Variants in TTLL5 observed in about 807,000 individuals in gnomAD.
The protein encoded by TTLL5 is tubulin polyglutamylase TTLL5.
Under a neutral mutation model 168.4 loss-of-function variants are expected in TTLL5, and 132 were observed. The observed-to-expected ratio is 0.78, with a 90% CI of 0.68 to 0.91. The LOEUF (loss-of-function observed/expected upper bound fraction) is 0.91, where lower values mean the gene tolerates loss of function less well. TTLL5 is among the 40% of genes least tolerant of loss of function. The pLI, the probability that TTLL5 is intolerant of heterozygous loss-of-function variation, is 0.00. For synonymous variants in TTLL5, 546 were observed against 558.6 expected, an observed-to-expected ratio of 0.98 and a Z score of 0.32; for missense variants, 1,545 against 1,581.5, an observed-to-expected ratio of 0.98 and a Z score of 0.39.
At chr14:75,919,054 A>G (rs2033722195) in intron 31 of TTLL5, among the ~76,000 whole-genome samples, 1 of 151,848 alleles carries the variant, frequency 6.6e-6, no homozygotes, top group Non-Finnish European at 1.5e-5. Context: ...TACAAAAATT[A>G]GCTGGGCATG....
Position 75,745,109 on chromosome 14 carries a change from C to T in TTLL5, c.1296C>T (p.Leu432=). 6.2e-7 allele frequency: 1 copy of T among 1,613,848 alleles called. No individual in the cohort carries two copies. Among genetic ancestry groups the T allele is most frequent in the Non-Finnish European group, 8.5e-7 (1 of 1,179,852 alleles). The stretch of plus-strand genomic sequence containing the variant: ...CTTCTCCTTAGCGTTGCCGTCCACT[C>T]TCTGCCAGTGATGCGGAAATGAAAA... ...PFQKPQRCRP[L]SASDAEMKNL... is the part of the protein sequence containing the mutation. The change falls in exon 16 of 32, where the codon CTC becomes CTT. Residue 432 remains leucine, a synonymous_variant. Coordinates refer to ENST00000298832, the MANE Select transcript of TTLL5 (RefSeq NM_015072.5).
rs1168529540 is a variant in TTLL5, at chr14:75,881,334, T to TCAGACCC, written c.3523-1350_3523-1344dup. Among the ~76,000 whole-genome samples the TCAGACCC allele has an allele frequency of 1.1e-4, 17 of 152,308 alleles. No homozygotes were observed. In the South Asian group the frequency reaches 3.5e-3, roughly 32 times the overall value. On this transcript the variant is annotated intron_variant, in intron 29 of 31. Coordinates refer to ENST00000298832, the MANE Select transcript of TTLL5 (RefSeq NM_015072.5). The stretch of plus-strand genomic sequence containing the variant: ...GTCAGATTGGTCTGACTGAAAATGC[T>TCAGACCC]CAGACCCTTTACCTCTGAAATCTCT...
intron 27 of TTLL5, among the ~76,000 whole-genome samples, chr14:75,810,768 A>T (rs1467337505): frequency 6.6e-6 from 1 of 152,226 alleles, no homozygotes; most frequent in Non-Finnish European, 1.5e-5. Context: ...AGTCCATTGC[A>T]AATGGTTTCT....
At chr14:75,819,464 C>T (rs575267030) in intron 27 of TTLL5, among the ~76,000 whole-genome samples, 2 of 152,214 alleles carry the variant, frequency 1.3e-5, no homozygotes, top group East Asian at 1.9e-4. Flanking sequence ...TTACATTTAC[C>T]AGTAGAAATG....
rs144776363 is a variant in TTLL5 at position 75,953,441 on chromosome 14, C to T, written c.3824-983C>T. Among the ~76,000 whole-genome samples the T allele has an allele frequency of 8.0e-3, 1,213 of 152,270 alleles. 10 individuals are homozygous for T. Among genetic ancestry groups the T allele is most frequent in the Non-Finnish European group, 0.012 (809 of 68,016 alleles). On this transcript the variant is annotated intron_variant, in intron 31 of 31. Coordinates refer to ENST00000298832, the MANE Select transcript of TTLL5 (RefSeq NM_015072.5). Reference sequence around the variant, plus strand: ...AGTATACTGAGATTGCATGTGTAATCACAGGAGCACTACAAAATTCAAAGC... The same window carrying T: ...AGTATACTGAGATTGCATGTGTAATTACAGGAGCACTACAAAATTCAAAGC...
chr14:75,770,794 G>A (rs1320944566), intron 20 of TTLL5, among the ~76,000 whole-genome samples: 2 of 152,166 alleles, frequency 1.3e-5, no homozygotes, highest in Non-Finnish European at 2.9e-5. Flanking sequence ...GAACATCTGG[G>A]CTTGTCCTGC....
chr14:75,773,942 AG>A (rs1891519967), intron 21 of TTLL5, among the ~76,000 whole-genome samples: 2 of 41,084 alleles, frequency 4.9e-5, no homozygotes, highest in South Asian at 1.2e-3. Flanking sequence ...AGAGAGAGAG[AG>A]AGAGAGAGAG....
chr14:75,763,675 C>T (rs1411796530), intron 18 of TTLL5, among the ~76,000 whole-genome samples: 1 of 152,174 alleles, frequency 6.6e-6, no homozygotes, highest in Non-Finnish European at 1.5e-5. Flanking sequence ...GACCTGGTGA[C>T]CCAGAGCCCT....
At chr14:75,921,624 G>A (rs1391328259) in intron 31 of TTLL5, among the ~76,000 whole-genome samples, 2 of 152,216 alleles carry the variant, frequency 1.3e-5, no homozygotes, top group African/African-American at 4.8e-5. Flanking sequence ...TTTGGTTACT[G>A]TAACCTTGTA....
At chr14:75,809,641 A>G (rs1472833281) in intron 27 of TTLL5, among the ~76,000 whole-genome samples, 1 of 152,172 alleles carries the variant, frequency 6.6e-6, no homozygotes, top group Non-Finnish European at 1.5e-5. Context: ...CAATTTTCCT[A>G]CTATACTTTC....
chr14:75,887,479 A>C (rs1205732626), intron 30 of TTLL5, among the ~76,000 whole-genome samples: 1 of 152,234 alleles, frequency 6.6e-6, no homozygotes, highest in Non-Finnish European at 1.5e-5. Flanking sequence ...AGTTGAATCT[A>C]TAACATATTC....
At chr14:75,878,758 T>C (rs766660460) in intron 29 of TTLL5, among the ~76,000 whole-genome samples, 2 of 152,224 alleles carry the variant, frequency 1.3e-5, no homozygotes, top group Admixed American at 6.5e-5. Context: ...ACTAATCTTA[T>C]ATAAAACATC....
chr14:75,762,411 T>C (rs890227796), intron 18 of TTLL5, among the ~76,000 whole-genome samples: 19 of 151,972 alleles, frequency 1.3e-4, no homozygotes, highest in African/African-American at 4.1e-4. Flanking sequence ...AATAAATAAA[T>C]AAATAGTTGG....
At chr14:75,690,154 A>G in intron 5 of TTLL5, 38 bp from the exon 6 acceptor site, 1 of 1,612,086 alleles carries the variant, frequency 6.2e-7, no homozygotes, top group Non-Finnish European at 8.5e-7. Context: ...ATTCTGAGTC[A>G]TAGTTTACTG....
chr14:75,783,354 A>G lies in TTLL5; in HGVS notation c.2810A>G (p.Asn937Ser). ...SMPHQPTILL[N>S]TVSASASPCL... ...CCTCACCAGCCAACAATTTTACTGA[A>G]CACAGTCTCTGCCAGTGCTTCTCCC... Residue 937 changes from asparagine (N) to serine (S), a missense_variant, in exon 26 of 32, where the codon AAC (asparagine) becomes AGC (serine). Transcript: ENST00000298832. 6.2e-7 allele frequency: 1 copy of G among 1,614,128 alleles called. No individual in the cohort carries two copies. The highest frequency in any genetic ancestry group is 8.5e-7 in the Non-Finnish European group (1 of 1,180,016).
In TTLL5 at chr14:75,764,687, T is replaced by G. The variant is rs1189632812; in HGVS notation, c.1623T>G (p.Leu541=). 6.2e-7 allele frequency: 1 copy of G among 1,614,152 alleles called. No homozygotes were observed. Among genetic ancestry groups the G allele is most frequent in the Non-Finnish European group, 8.5e-7 (1 of 1,180,004 alleles). Residue 541 remains leucine (L), a synonymous_variant, in exon 19 of 32, where the codon CTT becomes CTG. Transcript: ENST00000298832. ...CAAAGGCCAAGCTGCATGCTGCACT[T>G]TACGAGAGGAAGCTCCTGTCTCTGG... ...LNSKAKLHAA[L]YERKLLSLEV... is the part of the protein sequence containing the mutation.
intron 31 of TTLL5, among the ~76,000 whole-genome samples, chr14:75,939,048 G>A (rs553498291): frequency 9.9e-5 from 15 of 152,176 alleles, no homozygotes; most frequent in Admixed American, 2.6e-4. Flanking sequence ...GTAACTTTGC[G>A]TTGGTTATTT....
rs191094059 is a variant in TTLL5, at chr14:75,912,476, T to C, written c.3823+10252T>C. 2.4e-4 allele frequency among the ~76,000 whole-genome samples: 36 copies of C among 152,128 alleles called. No individual in the cohort carries two copies. In the East Asian group the frequency reaches 7.0e-3, roughly 29 times the overall value. ...TAGGGTCTTAAAATATAAAACCACA[T>C]GCAATAAAATAACAAGGTATAAAGG... On this transcript the variant is annotated intron_variant, in intron 31 of 31. Transcript: ENST00000298832.
At chr14:75,810,817 T>C (rs557121302) in intron 27 of TTLL5, among the ~76,000 whole-genome samples, 15 of 152,332 alleles carry the variant, frequency 9.8e-5, no homozygotes, top group Admixed American at 3.3e-4. Flanking sequence ...GAAACAAATA[T>C]ACACATTGTG....
Sources: gnomAD v4.1 joint callset for allele counts (sites outside exome capture counted in the v4.1 genomes callset) on GRCh38, gnomAD v4.1.1 for gene constraint, MANE v1.5 for transcripts, NCBI Gene and HGNC (gene_info 2026-07-23, HGNC 2026-07-21) for gene names.